Variants in CACNA2D2 observed in about 807,000 individuals in gnomAD.
The protein encoded by CACNA2D2 is calcium voltage-gated channel auxiliary subunit alpha2delta 2.
In CACNA2D2, 48 loss-of-function variants were observed where a neutral mutation model predicts 166.4. The ratio of observed to expected loss-of-function variants is 0.29; its 90% CI spans 0.23 to 0.37. CACNA2D2 has a LOEUF of 0.37. CACNA2D2 is among the 10% of genes least tolerant of loss of function. The pLI, the probability that CACNA2D2 is intolerant of heterozygous loss-of-function variation, is 1.00. For synonymous variants in CACNA2D2, 561 were observed against 573.7 expected (o/e 0.98, Z 0.32); for missense variants, 1,122 against 1,433.0 (o/e 0.78, Z 3.50).
At chr3:50,476,946 T>C (rs923078693) in intron 1 of CACNA2D2, among the ~76,000 whole-genome samples, 1 of 150,460 alleles carries the variant, frequency 6.6e-6, no homozygotes, top group Non-Finnish European at 1.5e-5. Context: ...TTTTTTTTTT[T>C]TGAGACAGAG....
Position 50,380,738 on chromosome 3 carries a change from G to C in CACNA2D2, c.842+10C>G, listed in dbSNP as rs1705258278. On this transcript the variant is annotated intron_variant, in intron 8 of 37. Coordinates refer to ENST00000424201, the MANE Select transcript of CACNA2D2 (RefSeq NM_006030.4). This position sits in a 1 kb window ranked among gnomAD's most constrained non-coding sequence, Gnocchi z 4.9. ...GGGTGTCCCTCCCCAGCCCCTTCTT[G>C]CTCGCTCACCAGGGTCTCCTTCGGA... 1 of 1,521,776 alleles carries C rather than the reference G, an allele frequency of 6.6e-7. No homozygotes were observed. The highest frequency in any genetic ancestry group is 1.4e-5 in the African/African-American group (1 of 71,792). 94.3% of individuals were successfully genotyped at this position (1,521,776 alleles called of 1,614,324 possible). A position where few individuals can be genotyped will look rare whatever the true frequency, so the allele number is the denominator to read the frequency against.
Position 50,408,446 on chromosome 3 carries a change from C to T in CACNA2D2, c.406-14278G>A, listed in dbSNP as rs1706827669. 2.0e-5 allele frequency among the ~76,000 whole-genome samples: 3 copies of T among 152,308 alleles called. No homozygotes were observed. The South Asian group carries it at 6.2e-4, about 32-fold the overall frequency. On this transcript the variant is annotated intron_variant, in intron 3 of 37. Coordinates refer to ENST00000424201, the MANE Select transcript of CACNA2D2 (RefSeq NM_006030.4). Reference sequence around the variant, plus strand: ...CCGGGGATGATGCTGAGGGCCCAGGCAGAGGTGACAGGCAGACAAAGGGCT... The same window carrying T: ...CCGGGGATGATGCTGAGGGCCCAGGTAGAGGTGACAGGCAGACAAAGGGCT...
At chr3:50,454,449 T>C (rs1275968619) in intron 2 of CACNA2D2, among the ~76,000 whole-genome samples, 2 of 151,946 alleles carry the variant, frequency 1.3e-5, no homozygotes, top group African/African-American at 2.4e-5. Context: ...GCCTCCAGCA[T>C]CTCTCTCTGC....
intron 3 of CACNA2D2, among the ~76,000 whole-genome samples, chr3:50,418,909 A>C (rs1575657935): frequency 6.6e-6 from 1 of 152,272 alleles, no homozygotes; most frequent in Non-Finnish European, 1.5e-5. Context: ...GGAGGGAGAT[A>C]TGCAACCATG....
chr3:50,416,026 G>A (rs1316578729), intron 3 of CACNA2D2: 1 of 152,266 alleles, frequency 6.6e-6, no homozygotes, highest in African/African-American at 2.4e-5. Context: ...CCTGCAGCCT[G>A]TCAACAGCTG....
At position 50,367,440 on chromosome 3, in the gene CACNA2D2, G is replaced by A; in HGVS notation, c.2355C>T (p.Arg785=). 6.2e-7 allele frequency: 1 copy of A among 1,613,962 alleles called. No homozygotes were observed. Among genetic ancestry groups the A allele is most frequent in the Non-Finnish European group, 8.5e-7 (1 of 1,180,032 alleles). The part of the protein sequence containing the change: ...PEPFNASFYR[R]SLDNHGYVFK... Reference sequence around the variant, plus strand: ...AGACATAACCGTGGTTATCCAGGCTGCGGCGGTAGAAGCTGGCATTGAAGG... The same window carrying A: ...AGACATAACCGTGGTTATCCAGGCTACGGCGGTAGAAGCTGGCATTGAAGG... The change falls in exon 27 of 38, where the codon CGC becomes CGT. Residue 785 remains arginine, a synonymous_variant. Transcript: ENST00000424201. This position sits in a 1 kb window ranked among gnomAD's most constrained non-coding sequence, Gnocchi z 6.5.
intron 1 of CACNA2D2, among the ~76,000 whole-genome samples, chr3:50,492,224 T>A (rs1337622565): frequency 2.0e-5 from 3 of 152,272 alleles, no homozygotes; most frequent in Non-Finnish European, 4.4e-5. Context: ...CCAGGTCAGC[T>A]GCGCTGTTTC....
intron 2 of CACNA2D2, among the ~76,000 whole-genome samples, chr3:50,443,082 C>T (rs1388860021): frequency 1.3e-5 from 2 of 152,196 alleles, no homozygotes; most frequent in Non-Finnish European, 2.9e-5. Flanking sequence ...TGGGAGCCGC[C>T]GGCTGTCGAG....
At chr3:50,436,488 G>A (rs1016831065) in intron 2 of CACNA2D2, among the ~76,000 whole-genome samples, 2 of 152,180 alleles carry the variant, frequency 1.3e-5, no homozygotes, top group East Asian at 3.9e-4. Context: ...GGGCTGCAGA[G>A]TGAGTGGGTC....
chr3:50,468,440 T>TGG (rs1553751796), intron 2 of CACNA2D2, among the ~76,000 whole-genome samples: 9 of 143,968 alleles, frequency 6.3e-5, no homozygotes, highest in Non-Finnish European at 1.2e-4. Flanking sequence ...TGTGTGTGTG[T>TGG]GGCTTTAGGA....
At chr3:50,462,899 A>G (rs944626484) in intron 2 of CACNA2D2, among the ~76,000 whole-genome samples, 3 of 151,824 alleles carry the variant, frequency 2.0e-5, no homozygotes, top group Non-Finnish European at 4.4e-5. Flanking sequence ...AGAAAAAAAA[A>G]AGAGAGAGGG....
At chr3:50,377,571 G>A in intron 16 of CACNA2D2, 30 bp from the exon 17 acceptor site, 3 of 1,607,426 alleles carry the variant, frequency 1.9e-6, no homozygotes, top group Non-Finnish European at 2.6e-6. Flanking sequence ...GGGCTCCTCA[G>A]TGAGCTCAAT....
intron 3 of CACNA2D2, 77 bp from the exon 4 acceptor site, chr3:50,394,245 C>T: frequency 8.5e-7 from 1 of 1,183,346 alleles, no homozygotes; most frequent in Non-Finnish European, 1.3e-6. Flanking sequence ...CCTCTCCATC[C>T]CCAGCACTCC....
chr3:50,469,012 A>G (rs1709953595), intron 2 of CACNA2D2, among the ~76,000 whole-genome samples: 1 of 151,808 alleles, frequency 6.6e-6, no homozygotes, highest in Admixed American at 6.6e-5. Context: ...TATTTTTAGT[A>G]TAGACAGGGT....
chr3:50,430,036 G>T (rs1180036885), intron 3 of CACNA2D2, among the ~76,000 whole-genome samples: 1 of 152,250 alleles, frequency 6.6e-6, no homozygotes, highest in Non-Finnish European at 1.5e-5. Context: ...GTTAGGAGGG[G>T]TGCTGGGCTT....
intron 2 of CACNA2D2, among the ~76,000 whole-genome samples, chr3:50,435,050 C>A (rs953765683): frequency 6.6e-6 from 1 of 152,044 alleles, no homozygotes; most frequent in African/African-American, 2.4e-5. Flanking sequence ...GAGGAAGGGG[C>A]AGGTTGGGGA....
intron 3 of CACNA2D2, among the ~76,000 whole-genome samples, chr3:50,405,154 CAGG>C (rs1706641875): frequency 1.3e-5 from 2 of 152,340 alleles, no homozygotes; most frequent in East Asian, 1.9e-4. Flanking sequence ...GGCCCAACCT[CAGG>C]AGAAGGAGTG....
At chr3:50,456,404 GTC>G (rs1278607865) in intron 2 of CACNA2D2, among the ~76,000 whole-genome samples, 1 of 152,182 alleles carries the variant, frequency 6.6e-6, no homozygotes, top group African/African-American at 2.4e-5. Flanking sequence ...ACACAGATGT[GTC>G]TTGCCCACCG....
chr3:50,437,042 G>A (rs1195971506), intron 2 of CACNA2D2, among the ~76,000 whole-genome samples: 1 of 152,208 alleles, frequency 6.6e-6, no homozygotes, highest in Admixed American at 6.5e-5. Flanking sequence ...TGGACACCTG[G>A]CAAATGCATA....
Sources: allele counts gnomAD v4.1 joint callset (sites outside exome capture counted in the v4.1 genomes callset), GRCh38; gene constraint gnomAD v4.1.1; non-coding constraint Gnocchi (gnomAD v3.1); transcripts MANE v1.5; gene names NCBI Gene and HGNC (gene_info 2026-07-23, HGNC 2026-07-21).